Variants in CACNG3 observed in about 807,000 individuals in gnomAD.
The protein encoded by CACNG3 is voltage-dependent calcium channel gamma-3 subunit.
In CACNG3, 3 loss-of-function variants were observed where a neutral mutation model predicts 28.5. The observed-to-expected ratio is 0.11, with a 90% CI of 0.05 to 0.27. CACNG3 has a LOEUF of 0.27. Ranked by LOEUF, CACNG3 falls within the 10% of genes least tolerant of loss-of-function variation. The pLI is 1.00. For missense variants in CACNG3, 236 were observed against 414.4 expected, an observed-to-expected ratio of 0.57 and a Z score of 3.74; for synonymous variants, 174 against 162.2, an observed-to-expected ratio of 1.07 and a Z score of -0.55.
chr16:24,328,159 GAGA>G (rs1450047286), intron 1 of CACNG3, among the ~76,000 whole-genome samples: 1 of 152,078 alleles, frequency 6.6e-6, no homozygotes, highest in Non-Finnish European at 1.5e-5. Context: ...GTGCCTGAAA[GAGA>G]AGCACAGGGT....
intron 1 of CACNG3, among the ~76,000 whole-genome samples, chr16:24,317,594 GAAA>G (rs1596640367): frequency 8.3e-5 from 5 of 60,258 alleles, no homozygotes; most frequent in Admixed American, 8.1e-4. Flanking sequence ...AAGAAAGAAA[GAAA>G]GAAAGAAAGA....
intron 1 of CACNG3, among the ~76,000 whole-genome samples, chr16:24,341,482 T>C (rs1899786353): frequency 6.6e-6 from 1 of 152,256 alleles, no homozygotes; most frequent in African/African-American, 2.4e-5. Flanking sequence ...CCAGGAACTG[T>C]ACTAAGTGCT....
chr16:24,281,654 G>A (rs1685793792), intron 1 of CACNG3, among the ~76,000 whole-genome samples: 1 of 152,166 alleles, frequency 6.6e-6, no homozygotes, highest in African/African-American at 2.4e-5. Context: ...AGGTTGATTG[G>A]CTTAGGCCTG....
chr16:24,306,760 C>T (rs182117855), intron 1 of CACNG3, among the ~76,000 whole-genome samples: 1 of 152,114 alleles, frequency 6.6e-6, no homozygotes, highest in African/African-American at 2.4e-5. Context: ...ACTTACAGCC[C>T]TTCATTCAGC....
At chr16:24,317,029 T>C (rs576857486) in intron 1 of CACNG3, among the ~76,000 whole-genome samples, 4 of 152,248 alleles carry the variant, frequency 2.6e-5, no homozygotes, top group South Asian at 2.1e-4. Flanking sequence ...ATGACACCAG[T>C]TTCCTACATA....
At chr16:24,309,872 G>A (rs924751225) in intron 1 of CACNG3, among the ~76,000 whole-genome samples, 4 of 152,178 alleles carry the variant, frequency 2.6e-5, no homozygotes, top group Non-Finnish European at 1.5e-5. Flanking sequence ...GTCGGGATGA[G>A]GGCTGGACAG....
intron 1 of CACNG3, 130 bp downstream of exon 1, chr16:24,257,095 C>A (rs1364221768): frequency 4.5e-6 from 3 of 662,248 alleles, no homozygotes; most frequent in East Asian, 5.4e-5. Flanking sequence ...GTGCAGGTGC[C>A]CAGACTCTGT....
At chr16:24,275,718 G>A (rs1898744189) in intron 1 of CACNG3, among the ~76,000 whole-genome samples, 1 of 152,210 alleles carries the variant, frequency 6.6e-6, no homozygotes, top group Non-Finnish European at 1.5e-5. Context: ...AAGGTTTCAA[G>A]TGATAATTAT....
In CACNG3 at chr16:24,362,029, C is replaced by T; in HGVS notation, c.*166C>T. ...ACATTTTCCCCTCACCCTCCAAGTC[C>T]TAACCCCTCCATCCTCTCTAACTTT... is the stretch of plus-strand genomic sequence containing the variant. On this transcript the variant is annotated 3_prime_UTR_variant, in exon 4 of 4. Transcript: ENST00000005284. 1.6e-6 allele frequency: 1 copy of T among 618,358 alleles called. No individual in the cohort carries two copies. The highest frequency in any genetic ancestry group is 2.7e-6 in the Non-Finnish European group (1 of 366,196). 38.3% of individuals were successfully genotyped at this position (618,358 alleles called of 1,614,324 possible). A position where few individuals can be genotyped will look rare whatever the true frequency, so the allele number is the denominator to read the frequency against.
intron 1 of CACNG3, among the ~76,000 whole-genome samples, chr16:24,295,914 GA>G (rs1899025910): frequency 6.6e-6 from 1 of 152,150 alleles, no homozygotes; most frequent in East Asian, 1.9e-4. Context: ...TTTTACAGAT[GA>G]AAAAACTGAG....
chr16:24,312,942 AG>A, intron 1 of CACNG3, among the ~76,000 whole-genome samples: 1 of 100,426 alleles, frequency 1.0e-5, no homozygotes, highest in African/African-American at 3.9e-5. Context: ...AAAGAAAGAA[AG>A]AAAGAAAGAA....
At chr16:24,299,044 C>CT (rs1403179371) in intron 1 of CACNG3, among the ~76,000 whole-genome samples, 8 of 152,096 alleles carry the variant, frequency 5.3e-5, no homozygotes, top group South Asian at 4.2e-4. Context: ...TGTAGAGTTA[C>CT]TTTTTTTTCC....
intron 2 of CACNG3, among the ~76,000 whole-genome samples, chr16:24,347,039 T>TG: frequency 6.6e-6 from 1 of 151,662 alleles, no homozygotes; most frequent in Non-Finnish European, 1.5e-5. Flanking sequence ...GGGGGTAGGG[T>TG]GGGGGATGGT....
intron 1 of CACNG3, among the ~76,000 whole-genome samples, chr16:24,262,355 T>C (rs573250751): frequency 2.0e-5 from 3 of 152,266 alleles, no homozygotes; most frequent in South Asian, 4.2e-4. Flanking sequence ...CCTGACTGCG[T>C]TTGAGGGTTG....
At chr16:24,285,920 T>C (rs190236699) in intron 1 of CACNG3, among the ~76,000 whole-genome samples, 6 of 149,686 alleles carry the variant, frequency 4.0e-5, no homozygotes, top group Admixed American at 1.3e-4. Context: ...CTCAGCTCAC[T>C]GCCACCTCCA....
intron 1 of CACNG3, among the ~76,000 whole-genome samples, chr16:24,303,746 C>T (rs1268912390): frequency 6.6e-6 from 1 of 152,102 alleles, no homozygotes; most frequent in Non-Finnish European, 1.5e-5. Context: ...GGCCAAACCT[C>T]ATCTCTACCA....
intron 1 of CACNG3, among the ~76,000 whole-genome samples, chr16:24,325,647 C>T (rs934226547): frequency 6.6e-6 from 1 of 152,256 alleles, no homozygotes; most frequent in African/African-American, 2.4e-5. Flanking sequence ...CACTTTGATG[C>T]TCACAACAAG....
intron 1 of CACNG3, among the ~76,000 whole-genome samples, chr16:24,279,491 G>C (rs559111376): frequency 6.6e-6 from 1 of 152,008 alleles, no homozygotes; most frequent in Non-Finnish European, 1.5e-5. Flanking sequence ...ATTTTGTAGA[G>C]AGAGTATCTC....
intron 1 of CACNG3, among the ~76,000 whole-genome samples, chr16:24,315,606 CTCTT>C (rs751180321): frequency 4.3e-4 from 58 of 136,206 alleles, no homozygotes; most frequent in Non-Finnish European, 6.8e-4. Flanking sequence ...TTCTTTGTCT[CTCTT>C]TCTTTCTTTC....
Sources: gnomAD v4.1 joint callset for allele counts (sites outside exome capture counted in the v4.1 genomes callset) on GRCh38, gnomAD v4.1.1 for gene constraint, MANE v1.5 for transcripts, NCBI Gene and HGNC (gene_info 2026-07-23, HGNC 2026-07-21) for gene names.